MYPN: variants seen among roughly 807,000 people sequenced by gnomAD.
The protein encoded by MYPN is sarcomeric protein myopalladin, 145 kDa (MYOP).
MYPN carries 63 observed loss-of-function variants against 129.4 expected under a neutral mutation model. That is an observed-to-expected ratio of 0.49 (90% CI 0.40 to 0.60). MYPN has a LOEUF of 0.60. Ranked by LOEUF, MYPN falls within the 20% of genes least tolerant of loss-of-function variation. The pLI is 0.00. For missense variants in MYPN, 1,596 were observed against 1,635.4 expected, an observed-to-expected ratio of 0.98 and a Z score of 0.42; for synonymous variants, 629 against 600.9, an observed-to-expected ratio of 1.05 and a Z score of -0.68.
intron 12 of MYPN, among the ~76,000 whole-genome samples, chr10:68,178,712 CAAA>C (rs5785847): frequency 2.4e-5 from 3 of 125,204 alleles, no homozygotes; most frequent in African/African-American, 6.5e-5. Flanking sequence ...GACTCTGCCT[CAAA>C]AAAAAAAAAA....
intron 19 of MYPN, among the ~76,000 whole-genome samples, chr10:68,208,320 CA>C (rs2043850684): frequency 6.6e-6 from 1 of 152,100 alleles, no homozygotes; most frequent in African/African-American, 2.4e-5. Flanking sequence ...TATTTAGTAC[CA>C]TACAGGAGGG....
upstream of MYPN, chr10:68,105,997 G>A (rs747423900): frequency 3.6e-6 from 1 of 278,386 alleles, no homozygotes; most frequent in Non-Finnish European, 7.2e-6. Flanking sequence ...ATCTGAAAGA[G>A]CAATCTGTTC....
At chr10:68,132,078 A>G (rs1434145972) in intron 2 of MYPN, among the ~76,000 whole-genome samples, 1 of 152,190 alleles carries the variant, frequency 6.6e-6, no homozygotes, top group Non-Finnish European at 1.5e-5. Flanking sequence ...TTTTCTGTTC[A>G]ATACATGCTC....
intron 10 of MYPN, among the ~76,000 whole-genome samples, chr10:68,173,218 C>T (rs147870503): frequency 1.9e-4 from 29 of 152,268 alleles, no homozygotes; most frequent in South Asian, 4.1e-4. Context: ...GAGACACATC[C>T]GGCTTCTTTG....
chr10:68,106,083 C>T (rs1207951162), upstream of MYPN: 2 of 452,676 alleles, frequency 4.4e-6, no homozygotes, highest in Non-Finnish European at 8.8e-6. Flanking sequence ...TATCACATTT[C>T]CTTCATGGCA....
At chr10:68,142,816 A>G in intron 2 of MYPN, 124 bp from the exon 3 acceptor site, 1 of 922,940 alleles carries the variant, frequency 1.1e-6, no homozygotes, top group Admixed American at 1.7e-5. Context: ...TGTTATAATG[A>G]TGGAGTTTTT....
intron 2 of MYPN, among the ~76,000 whole-genome samples, chr10:68,138,912 G>A (rs192245245): frequency 6.6e-6 from 1 of 152,148 alleles, no homozygotes; most frequent in Non-Finnish European, 1.5e-5. Flanking sequence ...TGATCTTAAA[G>A]TTGATGACAC....
At chr10:68,201,048 G>A (rs1194593916) in intron 17 of MYPN, among the ~76,000 whole-genome samples, 1 of 152,140 alleles carries the variant, frequency 6.6e-6, no homozygotes, top group African/African-American at 2.4e-5. Context: ...AGTCTTGTGT[G>A]TGTGTGTTTT....
chr10:68,168,000 T>C (rs144518598), intron 10 of MYPN, among the ~76,000 whole-genome samples: 22 of 152,314 alleles, frequency 1.4e-4, no homozygotes, highest in Admixed American at 2.6e-4. Context: ...CTCTGTCTGA[T>C]GGAGCTTGCG....
At chr10:68,161,675 TGTA>T (rs2134151313) in intron 7 of MYPN, 51 bp from the exon 8 acceptor site, 1 of 1,437,720 alleles carries the variant, frequency 7.0e-7, no homozygotes, top group African/African-American at 1.4e-5. Context: ...CTGATGAACA[TGTA>T]GTTTCTCAGT....
intron 16 of MYPN, among the ~76,000 whole-genome samples, chr10:68,198,069 G>A (rs965902470): frequency 2.0e-5 from 3 of 152,104 alleles, no homozygotes; most frequent in Admixed American, 2.0e-4. Flanking sequence ...GGTTGACCTC[G>A]GGTAACTGAA....
At chr10:68,158,960 G>A (rs1395789651) in intron 7 of MYPN, among the ~76,000 whole-genome samples, 1 of 151,558 alleles carries the variant, frequency 6.6e-6, no homozygotes, top group Non-Finnish European at 1.5e-5. Context: ...GAGTGCAGTG[G>A]CACGATCTTG....
At chr10:68,203,392 T>C (rs1008821880) in intron 18 of MYPN, among the ~76,000 whole-genome samples, 7 of 151,614 alleles carry the variant, frequency 4.6e-5, no homozygotes, top group African/African-American at 1.7e-4. Flanking sequence ...AGTTGAAGAC[T>C]AGCCTGGGCA....
chr10:68,131,669 A>G (rs576745351), intron 2 of MYPN, among the ~76,000 whole-genome samples: 133 of 152,274 alleles, frequency 8.7e-4, no homozygotes, highest in African/African-American at 2.4e-3. Flanking sequence ...GTAAGCCACT[A>G]TGCCAGCCTT....
intron 12 of MYPN, among the ~76,000 whole-genome samples, chr10:68,187,077 A>G (rs2043433384): frequency 6.6e-6 from 1 of 152,140 alleles, no homozygotes; most frequent in Non-Finnish European, 1.5e-5. Flanking sequence ...AAAAATTAAG[A>G]GTAACCATTC....
intron 1 of MYPN, among the ~76,000 whole-genome samples, chr10:68,101,079 A>G (rs184614572): frequency 6.6e-6 from 1 of 152,190 alleles, no homozygotes; most frequent in Admixed American, 6.5e-5. Context: ...TTATGTGCCT[A>G]CTTTGTGTCA....
chr10:68,173,945 G>T, intron 10 of MYPN, 121 bp from the exon 11 acceptor site: 1 of 849,650 alleles, frequency 1.2e-6, no homozygotes, highest in Non-Finnish European at 2.0e-6. Flanking sequence ...GGGATTACAG[G>T]CATGAGCCAC....
chr10:68,179,213 A>G (rs559616947), intron 12 of MYPN, among the ~76,000 whole-genome samples: 19 of 152,158 alleles, frequency 1.2e-4, no homozygotes, highest in Non-Finnish European at 2.2e-4. Context: ...CATGCCATTC[A>G]TTCCCTTTCT....
intron 1 of MYPN, among the ~76,000 whole-genome samples, chr10:68,099,861 G>GT (rs1416963359): frequency 1.3e-5 from 2 of 152,090 alleles, no homozygotes; most frequent in Admixed American, 6.6e-5. Flanking sequence ...CATCTTCTGT[G>GT]TTTTTTTCCA....
Sources: gnomAD v4.1 joint callset for allele counts (sites outside exome capture counted in the v4.1 genomes callset) on GRCh38, gnomAD v4.1.1 for gene constraint, MANE v1.5 for transcripts, NCBI Gene and HGNC (gene_info 2026-07-23, HGNC 2026-07-21) for gene names.